Variants in DOCK3 observed in about 807,000 individuals in gnomAD.
The protein encoded by DOCK3 is dedicator of cytokinesis 3.
DOCK3 carries 60 observed loss-of-function variants against 265.6 expected under a neutral mutation model. The ratio of observed to expected loss-of-function variants is 0.23; its 90% CI spans 0.18 to 0.28. The LOEUF is 0.28. Among genes scored for constraint, DOCK3 ranks in the 10% least tolerant of loss-of-function variants. DOCK3 has a pLI of 1.00. For missense variants in DOCK3, 1,981 were observed against 2,594.3 expected (o/e 0.76, Z 5.14); for synonymous variants, 881 against 938.0 (o/e 0.94, Z 1.11).
chr3:51,032,490 C>G (rs1010518352), intron 5 of DOCK3, among the ~76,000 whole-genome samples: 1 of 152,062 alleles, frequency 6.6e-6, no homozygotes, highest in Non-Finnish European at 1.5e-5. Context: ...GCCACTCCAG[C>G]CTTCTTATGC....
At chr3:50,797,090 T>C (rs2608996) in intron 2 of DOCK3, among the ~76,000 whole-genome samples, 2 of 152,168 alleles carry the variant, frequency 1.3e-5, no homozygotes, top group African/African-American at 4.8e-5. Flanking sequence ...AGCAGCAGCA[T>C]TGACAACATG....
chr3:51,104,495 A>G (rs554910404), intron 9 of DOCK3, among the ~76,000 whole-genome samples: 73 of 152,336 alleles, frequency 4.8e-4, no homozygotes, highest in African/African-American at 1.6e-3. Flanking sequence ...GGCAAAAACA[A>G]GACCAGTTGG....
At chr3:51,108,764 A>T (rs2083393254) in intron 9 of DOCK3, among the ~76,000 whole-genome samples, 1 of 152,000 alleles carries the variant, frequency 6.6e-6, no homozygotes, top group Admixed American at 6.5e-5. Flanking sequence ...CAGATTTCAC[A>T]CCAACAAAGA....
chr3:50,946,676 A>G (rs944187177), intron 5 of DOCK3, among the ~76,000 whole-genome samples: 2 of 152,216 alleles, frequency 1.3e-5, no homozygotes, highest in Non-Finnish European at 2.9e-5. Context: ...AATAAGAAGT[A>G]GTTTGTACAA....
At chr3:50,800,676 T>C (rs1418261792) in intron 2 of DOCK3, among the ~76,000 whole-genome samples, 1 of 152,192 alleles carries the variant, frequency 6.6e-6, no homozygotes. Flanking sequence ...ATTTCTGTTC[T>C]GGTCATTATT....
intron 32 of DOCK3, among the ~76,000 whole-genome samples, chr3:51,316,864 T>C (rs559063638): frequency 6.6e-6 from 1 of 152,348 alleles, no homozygotes; most frequent in South Asian, 2.1e-4. Context: ...AAGTCCTTTG[T>C]TGAGCATATG....
Position 51,367,300 on chromosome 3 carries a change from G to T in DOCK3, c.5293+4626G>T, listed in dbSNP as rs1239287478. Among the ~76,000 whole-genome samples, 9 of 151,994 alleles carry T rather than the reference G, an allele frequency of 5.9e-5. No homozygotes were observed. The South Asian group carries it at 1.5e-3, about 25-fold the overall frequency. On this transcript the variant is annotated intron_variant, in intron 49 of 52. Transcript: ENST00000266037. ...GTTTAAAGTCTGTTTTATCAGAGAC[G>T]AGGATTGCAATCCCTGCTTTTTTTT...
At chr3:51,127,513 G>A (rs554193924) in intron 9 of DOCK3, among the ~76,000 whole-genome samples, 52 of 152,280 alleles carry the variant, frequency 3.4e-4, no homozygotes, top group South Asian at 2.3e-3. Context: ...ATTACATAAA[G>A]TTAACAATAC....
At chr3:51,253,072 AG>A (rs761981785) in intron 22 of DOCK3, among the ~76,000 whole-genome samples, 1 of 152,204 alleles carries the variant, frequency 6.6e-6, no homozygotes, top group East Asian at 1.9e-4. Context: ...TTTAGCGTGA[AG>A]GGCTGTTGAA....
chr3:51,090,116 A>G, intron 8 of DOCK3, 114 bp from the exon 9 acceptor site: 1 of 1,197,468 alleles, frequency 8.4e-7, no homozygotes. Context: ...TCAGTTTCTC[A>G]AATAATCTCC....
At chr3:50,782,476 G>C (rs1259057082) in intron 2 of DOCK3, among the ~76,000 whole-genome samples, 3 of 151,188 alleles carry the variant, frequency 2.0e-5, no homozygotes, top group Non-Finnish European at 4.4e-5. Context: ...ATTTTTAGTA[G>C]AGACGGGGTT....
intron 5 of DOCK3, among the ~76,000 whole-genome samples, chr3:51,035,342 C>T (rs915000673): frequency 8.6e-5 from 13 of 152,016 alleles, no homozygotes; most frequent in South Asian, 2.1e-4. Context: ...CCAACTCTTT[C>T]GTCATTTTTA....
chr3:51,224,363 T>A (rs986863284), intron 14 of DOCK3, among the ~76,000 whole-genome samples: 1 of 152,190 alleles, frequency 6.6e-6, no homozygotes, highest in African/African-American at 2.4e-5. Flanking sequence ...TCCTCAAATA[T>A]GTGCCAGTCC....
chr3:51,376,070 G>T (rs987187654), intron 51 of DOCK3, among the ~76,000 whole-genome samples: 1 of 152,126 alleles, frequency 6.6e-6, no homozygotes. Context: ...GGTCCCAACT[G>T]CCTCCTGCCC....
At chr3:50,989,627 A>G (rs1001885478) in intron 5 of DOCK3, among the ~76,000 whole-genome samples, 23 of 152,220 alleles carry the variant, frequency 1.5e-4, no homozygotes, top group African/African-American at 5.1e-4. Context: ...CAGCCCAGTG[A>G]AAACATCCAG....
chr3:51,105,891 G>C (rs200177011), intron 9 of DOCK3, among the ~76,000 whole-genome samples: 2 of 152,290 alleles, frequency 1.3e-5, no homozygotes, highest in East Asian at 3.9e-4. Context: ...TCCTGCAGAG[G>C]GGGTGAGTTG....
At chr3:50,842,349 A>G (rs999822455) in intron 3 of DOCK3, among the ~76,000 whole-genome samples, 4 of 152,150 alleles carry the variant, frequency 2.6e-5, no homozygotes, top group Admixed American at 2.6e-4. Flanking sequence ...TTGATGCAGT[A>G]TGTTTTTGTT....
At chr3:50,734,558 T>C (rs545107907) in intron 1 of DOCK3, among the ~76,000 whole-genome samples, 23 of 149,656 alleles carry the variant, frequency 1.5e-4, no homozygotes, top group South Asian at 4.3e-4. Context: ...ACATTTTATG[T>C]CACAAATACT....
Position 50,841,712 on chromosome 3 carries a change from G to GAAGGTAATGA in DOCK3, c.162_162+9dup. 8.8e-7 allele frequency: 1 copy of GAAGGTAATGA among 1,138,272 alleles called. No individual in the cohort carries two copies. The highest frequency in any genetic ancestry group is 1.1e-6 in the Non-Finnish European group (1 of 883,238). The allele number at this position is 1,138,272 out of a possible 1,614,324, so 70.5% of individuals were successfully genotyped here. On this transcript the variant is annotated frameshift_variant, in exon 3 of 53. Coordinates refer to ENST00000266037, the MANE Select transcript of DOCK3 (RefSeq NM_004947.5). LOFTEE classifies it high-confidence loss of function. ...GAGTTTCAACAAAGAAGCCAAATGT[G>GAAGGTAATGA]AAGGTAATGAAAAGTTTATTGTTAC... is the stretch of plus-strand genomic sequence containing the variant.
Sources: gnomAD v4.1 joint callset for allele counts (sites outside exome capture counted in the v4.1 genomes callset) on GRCh38, gnomAD v4.1.1 for gene constraint, MANE v1.5 for transcripts, NCBI Gene and HGNC (gene_info 2026-07-23, HGNC 2026-07-21) for gene names.